Variants in IZUMO4 observed in about 807,000 individuals in gnomAD.
IZUMO4 encodes IZUMO family member 4, also known as izumo sperm-egg fusion protein 4.
IZUMO4 carries 51 observed loss-of-function variants against 37.1 expected under a neutral mutation model. The observed-to-expected ratio is 1.38, with a 90% CI of 1.10 to 1.74. IZUMO4 has a LOEUF of 1.74. Among genes scored for constraint, IZUMO4 ranks in the 40% most tolerant of loss-of-function variants. The probability of loss-of-function intolerance (pLI) is 0.00; values close to 1 mark genes in which losing one functional copy is unlikely to be tolerated. For synonymous variants in IZUMO4, 162 were observed against 121.4 expected, an observed-to-expected ratio of 1.33 and a Z score of -2.20; for missense variants, 364 against 299.6, an observed-to-expected ratio of 1.21 and a Z score of -1.59.
intron 8 of IZUMO4, 21 bp from the exon 9 acceptor site, chr19:2,098,955 A>T: frequency 6.2e-7 from 1 of 1,610,630 alleles, no homozygotes; most frequent in Non-Finnish European, 8.5e-7. Flanking sequence ...AACCACACCC[A>T]TGTGGTGGTT....
chr19:2,098,230 G>A (rs1032212922), intron 5 of IZUMO4, 57 bp from the exon 6 acceptor site: 43 of 1,612,342 alleles, frequency 2.7e-5, no homozygotes, highest in East Asian at 1.3e-4. Context: ...GGCTGTCATC[G>A]GGTAGGGCGG....
chr19:2,097,553 G>A (rs757442790), intron 3 of IZUMO4, 58 bp downstream of exon 3: 4 of 1,457,648 alleles, frequency 2.7e-6, no homozygotes, highest in Non-Finnish European at 2.9e-6. Context: ...GAGACCCACG[G>A]GGCTTGGCTG....
rs753145365 is a variant in IZUMO4 at position 2,099,096 on chromosome 19, G to A, written c.608+67G>A. On this transcript the variant is annotated intron_variant, in intron 9 of 9. Coordinates refer to ENST00000395301, the MANE Select transcript of IZUMO4 (RefSeq NM_001039846.2). The stretch of plus-strand genomic sequence containing the variant: ...TCGTAAGCCAACACCAGCGTGCCGC[G>A]GCCTGCACACCCTGCTGACATCCCA... 549 of 1,487,134 alleles carry A rather than the reference G, an allele frequency of 3.7e-4. 3 individuals are homozygous for A. The highest frequency in any genetic ancestry group is 1.1e-3 in the East Asian group (49 of 44,320). 92.1% of individuals were successfully genotyped at this position (1,487,134 alleles called of 1,614,324 possible). A position where few individuals can be genotyped will look rare whatever the true frequency, so the allele number is the denominator to read the frequency against.
rs759908640 is a variant in IZUMO4 at position 2,099,445 on chromosome 19, C to T, written c.*100C>T. ...CTGGGCTGCTGCTGCCTCAGGACCC[C>T]CTCTCCGACCCCGGACAGAGCTGAG... On this transcript the variant is annotated 3_prime_UTR_variant, in exon 10 of 10. Coordinates refer to ENST00000395301, the MANE Select transcript of IZUMO4 (RefSeq NM_001039846.2). The T allele has an allele frequency of 6.1e-6, 5 of 816,600 alleles. No individual in the cohort carries two copies. Among genetic ancestry groups the T allele is most frequent in the African/African-American group, 1.7e-5 (1 of 59,394 alleles). The allele number at this position is 816,600 out of a possible 1,614,324, so 50.6% of individuals were successfully genotyped here.
chr19:2,099,095 C>T (rs550437586), intron 9 of IZUMO4, 66 bp downstream of exon 9: 102 of 1,486,830 alleles, frequency 6.9e-5, no homozygotes, highest in Non-Finnish European at 7.9e-5. Flanking sequence ...CAGCGTGCCG[C>T]GGCCTGCACA....
rs747343116 is a variant in IZUMO4, at chr19:2,098,983, T to C, written c.562T>C (p.Ser188Pro). 1 of 1,612,980 alleles carries C rather than the reference T, an allele frequency of 6.2e-7. No individual in the cohort carries two copies. Among genetic ancestry groups the C allele is most frequent in the Non-Finnish European group, 8.5e-7 (1 of 1,179,964 alleles). Residue 188 changes from serine (S) to proline (P), a missense_variant, in exon 9 of 10, where the codon TCC (serine) becomes CCC (proline). Transcript: ENST00000395301. ...HKQDTSMRPR[S>P]SAFSWPGTHR... ...TGGTGGTTTCATGAACAGACCACGC[T>C]CCTCTGCCTTCTCCTGGCCTGGGAC...
chr19:2,098,898 G>A, intron 8 of IZUMO4, 78 bp from the exon 9 acceptor site: 2 of 1,583,150 alleles, frequency 1.3e-6, no homozygotes, highest in Non-Finnish European at 1.7e-6. Context: ...GGCACTGCAG[G>A]TGGGGCTCTC....
At position 2,099,333 on chromosome 19, in the gene IZUMO4, C is replaced by G. The variant is rs754604549; in HGVS notation, c.687C>G (p.Leu229=). 1 of 1,611,664 alleles carries G rather than the reference C, an allele frequency of 6.2e-7. No homozygotes were observed. Among genetic ancestry groups the G allele is most frequent in the Non-Finnish European group, 8.5e-7 (1 of 1,178,772 alleles). The change falls in exon 10 of 10, where the codon CTC becomes CTG. Residue 229 remains leucine (L), a synonymous_variant. Transcript: ENST00000395301. ...NLTLEDAAEC[L]KQH ...CCTTGGAAGATGCTGCTGAGTGTCT[C>G]AAGCAGCACTGACAGCAGCTGGGCC...
chr19:2,098,760 G>T (rs759939246), intron 7 of IZUMO4, 27 bp from the exon 8 acceptor site: 3 of 1,605,440 alleles, frequency 1.9e-6, no homozygotes, highest in Non-Finnish European at 2.5e-6. Flanking sequence ...CCCATGGAGG[G>T]GCTGACTGCC....
intron 9 of IZUMO4, 92 bp from the exon 10 acceptor site, chr19:2,099,163 C>A: frequency 7.2e-7 from 1 of 1,389,718 alleles, no homozygotes; most frequent in Non-Finnish European, 1.0e-6. Flanking sequence ...TAGGACCACA[C>A]GTCCCAGCTG....
In IZUMO4 at chr19:2,098,456, TCCCCTCCTCA is replaced by T; in HGVS notation, c.536+7_536+16del. The T allele has an allele frequency of 6.2e-7, 1 of 1,613,786 alleles. No homozygotes were observed. Among genetic ancestry groups the T allele is most frequent in the Non-Finnish European group, 8.5e-7 (1 of 1,179,992 alleles). On this transcript the variant is annotated splice_region_variant and intron_variant, in intron 7 of 9. Transcript: ENST00000395301. ...TGTAGAAATAACTGGCACAAGTAAG[TCCCCTCCTCA>T]AACCAACACAGGCAGTGTGTGTATG...
At chr19:2,099,064 G>A (rs776590694) in intron 9 of IZUMO4, 35 bp downstream of exon 9, 1 of 1,599,094 alleles carries the variant, frequency 6.3e-7, no homozygotes, top group Non-Finnish European at 8.6e-7. Flanking sequence ...CTCGGGAGAA[G>A]GGGTGCTCGT....
Position 2,097,421 on chromosome 19 carries a change from CAG to C in IZUMO4, c.299-2_299-1del, listed in dbSNP as rs1199577486. ...CTGACCTTCTCCTGCCTCGACGACTCAGGGTATTTCCCCAACGAGCTGCGAAA... is the reference window on the plus strand; with the variant it reads ...CTGACCTTCTCCTGCCTCGACGACTCGGTATTTCCCCAACGAGCTGCGAAA... On this transcript the variant is annotated splice_acceptor_variant, in intron 2 of 9. Coordinates refer to ENST00000395301, the MANE Select transcript of IZUMO4 (RefSeq NM_001039846.2). LOFTEE classifies it high-confidence loss of function. 4 of 1,611,908 alleles carry C rather than the reference CAG, an allele frequency of 2.5e-6. No homozygotes were observed. Among genetic ancestry groups the C allele is most frequent in the Non-Finnish European group, 2.5e-6 (3 of 1,179,234 alleles).
At position 2,096,987 on chromosome 19, in the gene IZUMO4, G is replaced by T. The variant is rs753093842; in HGVS notation, c.42G>T (p.Leu14=). 1 of 1,609,654 alleles carries T rather than the reference G, an allele frequency of 6.2e-7. No homozygotes were observed. The change falls in exon 1 of 10, where the codon CTG becomes CTT. Residue 14 remains leucine, a synonymous_variant. Coordinates refer to ENST00000395301, the MANE Select transcript of IZUMO4 (RefSeq NM_001039846.2). ...GCCTGGTGTGCCTGACGGCGGCGCTGGCCCACGGCTGTCTGCACTGCCACA... is the reference window on the plus strand; with the variant it reads ...GCCTGGTGTGCCTGACGGCGGCGCTTGCCCACGGCTGTCTGCACTGCCACA... ...LLCLVCLTAA[L]AHGCLHCHSN...
chr19:2,097,340 G>T lies in IZUMO4; in HGVS notation c.298+8G>T. The T allele has an allele frequency of 1.2e-6, 2 of 1,612,638 alleles. No individual in the cohort carries two copies. The highest frequency in any genetic ancestry group is 1.7e-6 in the Non-Finnish European group (2 of 1,179,800). ...GGAAGATGTACTTCCCCGGTAAGGGGCGCGAAACCGAGGCGGGGCCCCCCC... is the reference window on the plus strand; with the variant it reads ...GGAAGATGTACTTCCCCGGTAAGGGTCGCGAAACCGAGGCGGGGCCCCCCC... On this transcript the variant is annotated splice_region_variant and intron_variant, in intron 2 of 9. Coordinates refer to ENST00000395301, the MANE Select transcript of IZUMO4 (RefSeq NM_001039846.2).
At position 2,097,934 on chromosome 19, in the gene IZUMO4, A is replaced by G. The variant is rs2017758157; in HGVS notation, c.376A>G (p.Ile126Val). Residue 126 changes from isoleucine (I) to valine (V), a missense_variant, in exon 4 of 10, where the codon ATC becomes GTC. Transcript: ENST00000395301. ...LIQNAIIESR[I>V]DCQHRCGIFQ... ...GCTGTCCTGCCCTCCCACAGGCCGC[A>G]TCGACTGTCAGCACCGCTGTGGTAA... is the stretch of plus-strand genomic sequence containing the variant. 5.6e-6 allele frequency: 9 copies of G among 1,612,958 alleles called. No individual in the cohort carries two copies. In the African/African-American group the frequency reaches 9.3e-5, roughly 17 times the overall value.
At chr19:2,097,746 C>G (rs929937150) in intron 3 of IZUMO4, 183 bp from the exon 4 acceptor site, 62 of 764,294 alleles carry the variant, frequency 8.1e-5, no homozygotes, top group Non-Finnish European at 1.2e-4. Context: ...TTTGCTCCAT[C>G]TCACGCTGGG....
At chr19:2,098,755 G>A (rs771467140) in intron 7 of IZUMO4, 32 bp from the exon 8 acceptor site, 3 of 1,605,440 alleles carry the variant, frequency 1.9e-6, no homozygotes, top group Admixed American at 3.5e-5. Flanking sequence ...GGTGCCCCAT[G>A]GAGGGGCTGA....
At chr19:2,098,633 C>G in intron 7 of IZUMO4, 154 bp from the exon 8 acceptor site, 2 of 1,559,708 alleles carry the variant, frequency 1.3e-6, no homozygotes, top group Admixed American at 1.9e-5. Context: ...TCAAAGGTCT[C>G]CGACCCTCAG....
Sources: allele counts gnomAD v4.1 joint callset, GRCh38; gene constraint gnomAD v4.1.1; transcripts MANE v1.5; gene names NCBI Gene and HGNC (gene_info 2026-07-23, HGNC 2026-07-21).